The following UVSSA variants were observed in gnomAD, a reference collection of about 807,000 sequenced individuals.
UVSSA encodes the protein UV-stimulated scaffold protein A.
Under a neutral mutation model 73.9 loss-of-function variants are expected in UVSSA, and 72 were observed. The observed-to-expected ratio is 0.97, with a 90% confidence interval of 0.81 to 1.19. The LOEUF is 1.19. UVSSA is among the 50% of genes most tolerant of loss of function. The pLI is 0.00. For synonymous variants in UVSSA, 454 were observed against 391.3 expected, an observed-to-expected ratio of 1.16 and a Z score of -1.89; for missense variants, 1,150 against 965.0, an observed-to-expected ratio of 1.19 and a Z score of -2.54.
chr4:1,349,099 T>TACGGTTTGTGCCG (rs372080243), intron 2 of UVSSA, among the ~76,000 whole-genome samples: 1 of 151,596 alleles, frequency 6.6e-6, no homozygotes. Flanking sequence ...CCGGGCGGTG[T>TACGGTTTGTGCCG]GTGTTGCGCT....
chr4:1,371,462 G>C (rs1034957755), intron 8 of UVSSA, among the ~76,000 whole-genome samples: 2 of 152,150 alleles, frequency 1.3e-5, no homozygotes, highest in African/African-American at 4.8e-5. Context: ...AGTTCCGCGT[G>C]TGTGTTGGAG....
intron 5 of UVSSA, among the ~76,000 whole-genome samples, chr4:1,353,680 C>T (rs1036194738): frequency 1.3e-5 from 2 of 152,202 alleles, no homozygotes; most frequent in Non-Finnish European, 2.9e-5. Context: ...AGTAAGGACC[C>T]ACAGGATTGG....
At chr4:1,345,909 C>CTGCTGGATG (rs534966985), upstream of UVSSA, among the ~76,000 whole-genome samples, 102 of 152,214 alleles carry the variant, frequency 6.7e-4, no homozygotes, top group South Asian at 7.3e-3. Context: ...CAGAGGGAAA[C>CTGCTGGATG]TGCTGGATGG....
rs766609003 is a variant in UVSSA, at chr4:1,366,450, G to C, written c.1288+19G>C. ...GAGTATGGTGAGCAGTGGGTCCCGT[G>C]GGGGGGGCACCTGGGTGGAGGGTCC... On this transcript the variant is annotated intron_variant, in intron 8 of 13. Coordinates refer to ENST00000389851, the MANE Select transcript of UVSSA (RefSeq NM_020894.4). 2.9e-5 allele frequency: 43 copies of C among 1,486,778 alleles called. No individual in the cohort carries two copies. The highest frequency in any genetic ancestry group is 1.3e-4 in the South Asian group (9 of 70,956). The allele number at this position is 1,486,778 out of a possible 1,614,324, so 92.1% of individuals were successfully genotyped here. A position where few individuals can be genotyped will look rare whatever the true frequency, so the allele number is the denominator to read the frequency against.
chr4:1,357,417 A>AC (rs1390018247), intron 7 of UVSSA, among the ~76,000 whole-genome samples: 2 of 152,066 alleles, frequency 1.3e-5, no homozygotes, highest in African/African-American at 2.4e-5. Flanking sequence ...GCCTGGTGCT[A>AC]CCCCTGCCTG....
chr4:1,354,416 G>A (rs924521275), intron 5 of UVSSA: 26 of 365,518 alleles, frequency 7.1e-5, no homozygotes, highest in Admixed American at 1.5e-4. Context: ...TTCTGTGCCC[G>A]GCGTGTGGGG....
intron 9 of UVSSA, 119 bp downstream of exon 9, chr4:1,375,627 C>T: frequency 6.8e-7 from 1 of 1,462,794 alleles, no homozygotes; most frequent in Non-Finnish European, 9.1e-7. Context: ...TTGGTGGAAG[C>T]CTTGGGTGTG....
At position 1,377,503 on chromosome 4, in the gene UVSSA, G is replaced by A. The variant is rs753158923; in HGVS notation, c.1568+1335G>A. Among the ~76,000 whole-genome samples the A allele has an allele frequency of 8.4e-4, 128 of 152,082 alleles. 1 individual carries two copies. The highest frequency in any genetic ancestry group is 4.9e-4 in the Non-Finnish European group (33 of 67,996). On this transcript the variant is annotated intron_variant, in intron 10 of 13. Coordinates refer to ENST00000389851, the MANE Select transcript of UVSSA (RefSeq NM_020894.4). ...CCGGAGAGGTCGGGAAGAAACAGCTGTCCCTGTCACACATTGCCACCAGGG... is the reference window on the plus strand; with the variant it reads ...CCGGAGAGGTCGGGAAGAAACAGCTATCCCTGTCACACATTGCCACCAGGG...
rs1040577313 is a variant in UVSSA at position 1,385,625 on chromosome 4, C to A, written c.2037-243C>A. 10 of 554,900 alleles carry A rather than the reference C, an allele frequency of 1.8e-5. No individual in the cohort carries two copies. The African/African-American group carries it at 1.9e-4, about 11-fold the overall frequency. 34.4% of individuals were successfully genotyped at this position (554,900 alleles called of 1,614,324 possible). On this transcript the variant is annotated intron_variant, in intron 13 of 13. Transcript: ENST00000389851. The stretch of plus-strand genomic sequence containing the variant: ...CTGGGGCCACCTTCACCGCGCAGAA[C>A]CACCCGCCGCAGACTCCGCTTCTGG...
chr4:1,348,057 G>C (rs1425922036), intron 1 of UVSSA, 33 bp from the exon 2 acceptor site: 2 of 1,509,634 alleles, frequency 1.3e-6, no homozygotes, highest in East Asian at 4.5e-5. Context: ...AATACAGATG[G>C]TGATATAGCA....
chr4:1,392,197 A>C (rs1720427524), downstream of UVSSA: 1 of 152,236 alleles, frequency 6.6e-6, no homozygotes, highest in Admixed American at 6.5e-5. Context: ...CCTTCACTTC[A>C]AGTAGCTTTG....
At chr4:1,372,294 T>TA (rs1718148456) in intron 8 of UVSSA, among the ~76,000 whole-genome samples, 1 of 152,208 alleles carries the variant, frequency 6.6e-6, no homozygotes. Flanking sequence ...TAACGGTTGT[T>TA]ACGAAGTCTT....
At chr4:1,355,996 G>A (rs1002779666) in intron 7 of UVSSA, among the ~76,000 whole-genome samples, 38 of 152,098 alleles carry the variant, frequency 2.5e-4, no homozygotes, top group African/African-American at 8.9e-4. Context: ...CTCTGCAGAC[G>A]TCCTCGGCAG....
chr4:1,367,976 T>C (rs1466117914), intron 8 of UVSSA, among the ~76,000 whole-genome samples: 2 of 152,270 alleles, frequency 1.3e-5, no homozygotes, highest in Non-Finnish European at 2.9e-5. Context: ...AGCACACCGT[T>C]GGCCGCTGCA....
At position 1,375,409 on chromosome 4, in the gene UVSSA, G is replaced by A. The variant is rs370438884; in HGVS notation, c.1334G>A (p.Arg445Gln). 1.6e-5 allele frequency: 26 copies of A among 1,613,530 alleles called. No homozygotes were observed. Among genetic ancestry groups the A allele is most frequent in the African/African-American group, 5.3e-5 (4 of 75,054 alleles). The change falls in exon 9 of 14, where the codon CGG (arginine) becomes CAG (glutamine). Residue 445 changes from arginine to glutamine, a missense_variant. By Grantham distance (43) the Arg-to-Gln change is conservative (BLOSUM62 1). Transcript: ENST00000389851. ...PEKDTVVRCL[R>Q]TRTRMDEEVS... ...AAAGACACAGTTGTGCGGTGCTTGC[G>A]GACGAGGACGAGGATGGACGAGGAG...
intron 10 of UVSSA, among the ~76,000 whole-genome samples, chr4:1,378,211 G>A (rs1340756738): frequency 6.6e-6 from 1 of 152,182 alleles, no homozygotes; most frequent in African/African-American, 2.4e-5. Context: ...GATGGGGGTG[G>A]CGGCCACAGG....
Position 1,372,327 on chromosome 4 carries a change from GT to G in UVSSA, c.1289-3036del, listed in dbSNP as rs144237308. Among the ~76,000 whole-genome samples, 610 of 152,298 alleles carry G rather than the reference GT, an allele frequency of 4.0e-3. 3 individuals are homozygous for G. The highest frequency in any genetic ancestry group is 0.014 in the African/African-American group (582 of 41,548). On this transcript the variant is annotated intron_variant, in intron 8 of 13. Transcript: ENST00000389851. ...CTTCAAAAGACACATCTGGCGGCCTGTCACGCGTCCATCCATGGCACTTTCT... is the reference window on the plus strand; with the variant it reads ...CTTCAAAAGACACATCTGGCGGCCTGCACGCGTCCATCCATGGCACTTTCT...
At position 1,348,130 on chromosome 4, in the gene UVSSA, A is replaced by G. The variant is rs1339576103; in HGVS notation, c.39A>G (p.Thr13=). Residue 13 remains threonine, a synonymous_variant, in exon 2 of 14, where the codon ACA becomes ACG. Transcript: ENST00000389851. The stretch of plus-strand genomic sequence containing the variant: ...TTTCGAAGTTGGTAGAAGAGCTCAC[A>G]ACTTCAGGAGAACCCCGACTAAATC... ...QKLSKLVEEL[T]TSGEPRLNPE... The G allele has an allele frequency of 1.2e-6, 2 of 1,613,892 alleles. No homozygotes were observed. Among genetic ancestry groups the G allele is most frequent in the Non-Finnish European group, 1.7e-6 (2 of 1,180,006 alleles).
intron 8 of UVSSA, among the ~76,000 whole-genome samples, chr4:1,371,024 A>G (rs1043308499): frequency 1.3e-5 from 2 of 152,050 alleles, no homozygotes; most frequent in African/African-American, 4.8e-5. Context: ...TTCTCCTCCC[A>G]GCTCTTCTCT....
Sources: gnomAD v4.1 joint callset for allele counts (sites outside exome capture counted in the v4.1 genomes callset) on GRCh38, gnomAD v4.1.1 for gene constraint, MANE v1.5 for transcripts, NCBI Gene and HGNC (gene_info 2026-07-23, HGNC 2026-07-21) for gene names.